VEPH1: variants seen among roughly 807,000 people sequenced by gnomAD.
The protein encoded by VEPH1 is ventricular zone expressed PH domain containing 1, also known as ventricular zone-expressed PH domain-containing protein homolog 1.
In VEPH1, 80 loss-of-function variants were observed where a neutral mutation model predicts 85.2. The observed-to-expected ratio is 0.94, with a 90% CI of 0.78 to 1.13. VEPH1 has a LOEUF of 1.13. VEPH1 is among the 50% of genes most tolerant of loss of function. The pLI is 0.00. For missense variants in VEPH1, 955 were observed against 980.5 expected, an observed-to-expected ratio of 0.97 and a Z score of 0.35; for synonymous variants, 297 against 348.0, an observed-to-expected ratio of 0.85 and a Z score of 1.63.
At chr3:157,351,162 A>T (rs943625773) in intron 9 of VEPH1, among the ~76,000 whole-genome samples, 1 of 152,122 alleles carries the variant, frequency 6.6e-6, no homozygotes, top group South Asian at 2.1e-4. Context: ...GGTGGTATAT[A>T]TGGCCAGGTG....
chr3:157,418,503 T>C (rs1732091207), intron 5 of VEPH1, among the ~76,000 whole-genome samples: 1 of 152,150 alleles, frequency 6.6e-6, no homozygotes, highest in African/African-American at 2.4e-5. Context: ...ACAAAATCAA[T>C]ATGCAAAAAT....
In VEPH1 at chr3:157,428,280, G is replaced by A. The variant is rs77192903; in HGVS notation, c.696+42C>T. ...ACGCTGTTCACACACAAAGAAACAT[G>A]CCTGGTTGTGTGCACCATGACATAT... is the stretch of plus-strand genomic sequence containing the variant. On this transcript the variant is annotated intron_variant, in intron 5 of 13. Transcript: ENST00000362010. The A allele has an allele frequency of 9.2e-4, 1,481 of 1,603,580 alleles. 8 individuals are homozygous for A. In the African/African-American group the frequency reaches 0.016, roughly 17 times the overall value.
At chr3:157,421,709 C>T (rs1050932149) in intron 5 of VEPH1, among the ~76,000 whole-genome samples, 1 of 152,138 alleles carries the variant, frequency 6.6e-6, no homozygotes. Context: ...AGGGTGTGCT[C>T]TAGTTCTAGG....
intron 3 of VEPH1, among the ~76,000 whole-genome samples, chr3:157,463,079 C>A (rs1736028478): frequency 6.6e-6 from 1 of 152,172 alleles, no homozygotes; most frequent in African/African-American, 2.4e-5. Context: ...CTGGTAATAT[C>A]ATTTGAGCCC....
chr3:157,444,022 ACTC>A (rs563512933), intron 4 of VEPH1, among the ~76,000 whole-genome samples: 416 of 152,226 alleles, frequency 2.7e-3, no homozygotes, highest in African/African-American at 9.2e-3. Context: ...CTGGAAAAGA[ACTC>A]CTGCCCTGAA....
intron 4 of VEPH1, among the ~76,000 whole-genome samples, chr3:157,456,490 T>C (rs1735394787): frequency 1.3e-5 from 2 of 152,182 alleles, no homozygotes; most frequent in African/African-American, 4.8e-5. Context: ...TCTTCCAGCG[T>C]TTTTATAGTT....
chr3:157,422,154 T>G (rs1443223692), intron 5 of VEPH1, among the ~76,000 whole-genome samples: 1 of 152,188 alleles, frequency 6.6e-6, no homozygotes, highest in Non-Finnish European at 1.5e-5. Flanking sequence ...CAGCTTGGCC[T>G]GATCTATCTG....
rs373232421 is a variant in VEPH1, at chr3:157,333,848, AT to A, written c.1736-16648del. Reference sequence around the variant, plus strand: ...ACTCCACTAAAATGGGTCCGTTTACATTTTTTTTTCCCCAGAGGAAGGAAGG... The same window carrying A: ...ACTCCACTAAAATGGGTCCGTTTACATTTTTTTTCCCCAGAGGAAGGAAGG... On this transcript the variant is annotated intron_variant, in intron 9 of 13. Coordinates refer to ENST00000362010, the MANE Select transcript of VEPH1 (RefSeq NM_001167912.2). Among the ~76,000 whole-genome samples, 860 of 151,676 alleles carry A rather than the reference AT, an allele frequency of 5.7e-3. 6 individuals are homozygous for A. Among genetic ancestry groups the A allele is most frequent in the African/African-American group, 0.02 (808 of 41,388 alleles).
intron 11 of VEPH1, among the ~76,000 whole-genome samples, chr3:157,308,597 A>C (rs1008212743): frequency 2.6e-5 from 4 of 151,954 alleles, no homozygotes; most frequent in African/African-American, 9.7e-5. Context: ...TTTTCAAACT[A>C]GTCTCACCTA....
intron 11 of VEPH1, among the ~76,000 whole-genome samples, chr3:157,290,527 G>T (rs144913164): frequency 6.6e-6 from 1 of 152,230 alleles, no homozygotes; most frequent in Non-Finnish European, 1.5e-5. Context: ...ACATCCTTTT[G>T]CCCAATTCTC....
In VEPH1 at chr3:157,313,621, C is replaced by T. The variant is rs1197339837; in HGVS notation, c.2010G>A (p.Lys670=). ...AMMESTFPQQ[K]DLDQVQLHLE... ...CATGGCCAAGGAAAGGAATATTTAC[C>T]TTCTGCTGTGGAAACGTGGACTCCA... The change falls in exon 11 of 14, where the codon AAG becomes AAA. Residue 670 remains lysine, a splice_region_variant and synonymous_variant. Coordinates refer to ENST00000362010, the MANE Select transcript of VEPH1 (RefSeq NM_001167912.2). 2.5e-6 allele frequency: 4 copies of T among 1,613,888 alleles called. No homozygotes were observed. The highest frequency in any genetic ancestry group is 3.3e-5 in the Admixed American group (2 of 60,002).
chr3:157,437,704 C>G, intron 4 of VEPH1: 1 of 1,531,668 alleles, frequency 6.5e-7, no homozygotes, highest in South Asian at 1.2e-5. Flanking sequence ...GCCGGGGGCT[C>G]CCGCAGAGGC....
intron 4 of VEPH1, among the ~76,000 whole-genome samples, chr3:157,457,291 G>C (rs1735465028): frequency 6.6e-6 from 1 of 152,114 alleles, no homozygotes; most frequent in Admixed American, 6.6e-5. Flanking sequence ...TTGAGACTAT[G>C]GCATTTTCTA....
chr3:157,423,660 T>C (rs926117555), intron 5 of VEPH1, among the ~76,000 whole-genome samples: 9 of 152,244 alleles, frequency 5.9e-5, no homozygotes, highest in Non-Finnish European at 1.0e-4. Context: ...TCTCTGTTTA[T>C]GCCATTTGCA....
At chr3:157,383,890 G>T (rs1729026646) in intron 6 of VEPH1, among the ~76,000 whole-genome samples, 1 of 149,794 alleles carries the variant, frequency 6.7e-6, no homozygotes, top group South Asian at 2.1e-4. Flanking sequence ...AACAGTTTTT[G>T]TTTTTTTTTG....
intron 10 of VEPH1, among the ~76,000 whole-genome samples, chr3:157,314,219 G>T (rs1356377156): frequency 2.0e-5 from 3 of 150,842 alleles, no homozygotes; most frequent in Non-Finnish European, 4.4e-5. Context: ...TGTAGTCCCA[G>T]CTACTCGGGA....
intron 6 of VEPH1, among the ~76,000 whole-genome samples, chr3:157,390,339 A>C (rs1470290321): frequency 1.3e-5 from 2 of 152,188 alleles, no homozygotes; most frequent in African/African-American, 4.8e-5. Context: ...TAGAATGAGA[A>C]TTGTAATTTT....
At chr3:157,456,758 G>C (rs993238770) in intron 4 of VEPH1, among the ~76,000 whole-genome samples, 1 of 152,032 alleles carries the variant, frequency 6.6e-6, no homozygotes, top group African/African-American at 2.4e-5. Context: ...GTACCATGCT[G>C]TTTTGCTTAC....
chr3:157,400,652 G>A (rs552097102), intron 6 of VEPH1, among the ~76,000 whole-genome samples: 42 of 151,994 alleles, frequency 2.8e-4, no homozygotes, highest in Non-Finnish European at 5.1e-4. Context: ...GGCATTCAAT[G>A]TGGCCATGTA....
Sources: gnomAD v4.1 joint callset for allele counts (sites outside exome capture counted in the v4.1 genomes callset) on GRCh38, gnomAD v4.1.1 for gene constraint, MANE v1.5 for transcripts, NCBI Gene and HGNC (gene_info 2026-07-23, HGNC 2026-07-21) for gene names.